The following UPF3B variants were observed in gnomAD, a reference collection of about 807,000 sequenced individuals.
The protein encoded by UPF3B is UPF3B regulator of nonsense mediated mRNA decay, also known as regulator of nonsense transcripts 3B.
A neutral mutation model predicts 40.3 loss-of-function variants in UPF3B; 7 were observed. The ratio of observed to expected loss-of-function variants is 0.17; its 90% CI spans 0.10 to 0.33. The LOEUF is 0.33. UPF3B is among the 10% of genes least tolerant of loss of function. The pLI is 1.00. For missense variants in UPF3B, 229 were observed against 358.9 expected (o/e 0.64, Z 2.93); for synonymous variants, 117 against 117.3 (o/e 1.00, Z 0.01).
At chrX:119,835,138 G>T in intron 10 of UPF3B, 111 bp from the exon 11 acceptor site, 1 of 915,976 alleles carries the variant, frequency 1.1e-6, no homozygotes, top group Non-Finnish European at 1.5e-6. Context: ...AGTCATTTAA[G>T]ACCAAAAATG....
At chrX:119,810,374 A>G (rs2055819540) in intron 5 of UPF3B, among the ~76,000 whole-genome samples, 1 of 112,331 alleles carries the variant, frequency 8.9e-6, no homozygotes. Context: ...TGAAGCATCT[A>G]TTGGGAAAGT....
intron 4 of UPF3B, among the ~76,000 whole-genome samples, chrX:119,816,956 ATTTTT>A (rs1246439092): frequency 9.0e-6 from 1 of 111,044 alleles, no homozygotes; most frequent in Non-Finnish European, 1.9e-5. Flanking sequence ...ATTTTATTTT[ATTTTT>A]ATTTATTTAT....
chrX:119,849,526 G>GA (rs1200486921), intron 3 of UPF3B, among the ~76,000 whole-genome samples: 2 of 104,533 alleles, frequency 1.9e-5, no homozygotes, highest in Admixed American at 1.0e-4. Context: ...AGAAGAAAAA[G>GA]AAAAAAAACA....
chrX:119,852,367 T>C (rs1264339981), intron 1 of UPF3B, among the ~76,000 whole-genome samples: 1 of 112,125 alleles, frequency 8.9e-6, no homozygotes, highest in Non-Finnish European at 1.9e-5. Context: ...GCTCTCGATC[T>C]ACCCTCCTGT....
chrX:119,834,044 A>G lies in UPF3B; in HGVS notation c.*834T>C. ...AGCTTCACACTTGAATGCTGTTACT[A>G]TTTATTGACATCAAAACGAAACAAG... On this transcript the variant is annotated 3_prime_UTR_variant, in exon 11 of 11. Transcript: ENST00000276201. 1 of 754,446 alleles carries G rather than the reference A, an allele frequency of 1.3e-6. No homozygotes were observed. The highest frequency in any genetic ancestry group is 2.3e-5 in the African/African-American group (1 of 43,818). 62.2% of individuals were successfully genotyped at this position (754,446 alleles called of 1,213,427 possible).
chrX:119,843,392 A>G, intron 4 of UPF3B, 91 bp from the exon 5 acceptor site: 1 of 662,511 alleles, frequency 1.5e-6, no homozygotes, highest in Non-Finnish European at 2.3e-6. Context: ...CAAAGAAGAT[A>G]ATTTTTTACT....
Position 119,851,764 on chromosome X carries a change from T to TTTTTTTTTTTTTTTTTTAA in UPF3B, c.263+2_263+3insTTAAAAAAAAAAAAAAAAA. The TTTTTTTTTTTTTTTTTTAA allele has an allele frequency of 2.1e-6, 2 of 968,488 alleles. No homozygotes were observed. Among genetic ancestry groups the TTTTTTTTTTTTTTTTTTAA allele is most frequent in the South Asian group, 2.2e-5 (1 of 44,608 alleles). 79.8% of individuals were successfully genotyped at this position (968,488 alleles called of 1,213,427 possible). A position where few individuals can be genotyped will look rare whatever the true frequency, so the allele number is the denominator to read the frequency against. On this transcript the variant is annotated splice_region_variant and intron_variant, in intron 2 of 10. Transcript: ENST00000276201. ...ACCCCTTTCCTTTTTTTTTTTTTTT[T>TTTTTTTTTTTTTTTTTTAA]ACCTCGTATCATTAGAAAAAAACTC... is the stretch of plus-strand genomic sequence containing the variant.
At chrX:119,841,407 C>T (rs1170920221) in intron 6 of UPF3B, 149 bp from the exon 7 acceptor site, 2 of 956,186 alleles carry the variant, frequency 2.1e-6, no homozygotes, top group African/African-American at 2.0e-5. Flanking sequence ...CCCCACTCCA[C>T]CCAGAAAACG....
At chrX:119,841,334 T>G in intron 6 of UPF3B, 76 bp from the exon 7 acceptor site, 1 of 1,191,338 alleles carries the variant, frequency 8.4e-7, no homozygotes. Context: ...GAAGTCATGG[T>G]AGGCCCCAAC....
chrX:119,808,833 T>A (rs28626239), intron 5 of UPF3B, among the ~76,000 whole-genome samples: 2 of 112,648 alleles, frequency 1.8e-5, no homozygotes, highest in Non-Finnish European at 3.7e-5. Context: ...GCTTCCATTT[T>A]CACCTGCCTT....
At chrX:119,829,063 C>T (rs6646489), downstream of UPF3B, among the ~76,000 whole-genome samples, 52,596 of 109,343 alleles carry the variant, frequency 0.48, 9,392 homozygotes, top group East Asian at 0.78. Flanking sequence ...ACTCTGTCTC[C>T]CAGGCTGGAG....
chrX:119,814,883 T>G (rs1456873936), intron 5 of UPF3B, among the ~76,000 whole-genome samples: 3 of 56,385 alleles, frequency 5.3e-5, no homozygotes, highest in Non-Finnish European at 1.0e-4. Context: ...TTTTTTTTTT[T>G]GAGATGGAGT....
intron 10 of UPF3B, among the ~76,000 whole-genome samples, chrX:119,836,320 A>C (rs2056091094): frequency 9.0e-6 from 1 of 111,582 alleles, no homozygotes; most frequent in Admixed American, 9.6e-5. Context: ...ATGCCACTGC[A>C]CTCCAGCCTA....
chrX:119,841,725 A>G lies in UPF3B; in HGVS notation c.624+10T>C, dbSNP rs1255812577. 3 of 1,203,923 alleles carry G rather than the reference A, an allele frequency of 2.5e-6. No individual in the cohort carries two copies. Among genetic ancestry groups the G allele is most frequent in the Non-Finnish European group, 3.4e-6 (3 of 889,372 alleles). ...AAGTATTGAGAGAACTATAAAGACAAAAGATTTACCTGCTTGTTTTTCAGG... is the reference window on the plus strand; with the variant it reads ...AAGTATTGAGAGAACTATAAAGACAGAAGATTTACCTGCTTGTTTTTCAGG... On this transcript the variant is annotated intron_variant, in intron 6 of 10. Transcript: ENST00000276201.
chrX:119,809,869 G>A (rs1338904966), intron 5 of UPF3B, among the ~76,000 whole-genome samples: 1 of 111,754 alleles, frequency 8.9e-6, no homozygotes, highest in Non-Finnish European at 1.9e-5. Context: ...TAAAATTGAA[G>A]GAACAACAAA....
intron 6 of UPF3B, among the ~76,000 whole-genome samples, chrX:119,806,921 C>T (rs1438308818): frequency 6.8e-5 from 7 of 102,840 alleles, no homozygotes; most frequent in African/African-American, 2.2e-4. Context: ...CCCAGCTACT[C>T]GGGAGGCTGA....
intron 5 of UPF3B, among the ~76,000 whole-genome samples, chrX:119,814,134 T>C (rs1166863163): frequency 8.9e-6 from 1 of 112,180 alleles, no homozygotes; most frequent in African/African-American, 3.2e-5. Flanking sequence ...TTACTATTTA[T>C]TGACATCAAA....
chrX:119,807,052 G>GA (rs1214036764), intron 6 of UPF3B, among the ~76,000 whole-genome samples: 57 of 67,856 alleles, frequency 8.4e-4, no homozygotes, highest in Admixed American at 1.1e-3. Context: ...AAAAAAAAAA[G>GA]AAAAAAAAAA....
At position 119,845,302 on chromosome X, in the gene UPF3B, T is replaced by A; in HGVS notation, c.371-6A>T. The A allele has an allele frequency of 8.4e-7, 1 of 1,188,833 alleles. No individual in the cohort carries two copies. Among genetic ancestry groups the A allele is most frequent in the East Asian group, 3.0e-5 (1 of 33,692 alleles). ...TATAGCGGGATATTCCTGACCTGTT[T>A]AGAAAAAAAATACCACACTTGCTAT... On this transcript the variant is annotated splice_polypyrimidine_tract_variant and splice_region_variant and intron_variant, in intron 3 of 10. Coordinates refer to ENST00000276201, the MANE Select transcript of UPF3B (RefSeq NM_080632.3).
Sources: gnomAD v4.1 joint callset for allele counts (sites outside exome capture counted in the v4.1 genomes callset) on GRCh38, gnomAD v4.1.1 for gene constraint, MANE v1.5 for transcripts, NCBI Gene and HGNC (gene_info 2026-07-23, HGNC 2026-07-21) for gene names.